MUC22: variants seen among roughly 807,000 people sequenced by gnomAD.
The protein encoded by MUC22 is mucin-22.
Under a neutral mutation model 40.3 loss-of-function variants are expected in MUC22, and 24 were observed. That is an observed-to-expected ratio of 0.60 (90% CI 0.43 to 0.84). The LOEUF (loss-of-function observed/expected upper bound fraction) is 0.84, where lower values mean the gene tolerates loss of function less well. Ranked by LOEUF, MUC22 falls within the 40% of genes least tolerant of loss-of-function variation. The probability of loss-of-function intolerance (pLI) is 0.00; values close to 1 mark genes in which losing one functional copy is unlikely to be tolerated. For synonymous variants in MUC22, 765 were observed against 844.5 expected (o/e 0.91, Z 1.63); for missense variants, 1,926 against 2,130.7 (o/e 0.90, Z 1.89).
At chr6:31,021,860 T>A (rs986867672) in intron 1 of MUC22, among the ~76,000 whole-genome samples, 1 of 152,010 alleles carries the variant, frequency 6.6e-6, no homozygotes, top group Non-Finnish European at 1.5e-5. Flanking sequence ...TTTTCCACAC[T>A]GTGGAAACTT....
At chr6:31,020,995 A>G (rs1458118718) in intron 1 of MUC22, among the ~76,000 whole-genome samples, 1 of 152,112 alleles carries the variant, frequency 6.6e-6, no homozygotes, top group Non-Finnish European at 1.5e-5. Context: ...GCCATGCCTG[A>G]GCCTCCCACC....
chr6:31,022,129 T>G (rs9262533), intron 1 of MUC22, among the ~76,000 whole-genome samples: 1 of 151,668 alleles, frequency 6.6e-6, no homozygotes, highest in Non-Finnish European at 1.5e-5. Context: ...CGAACACATC[T>G]GAACATCAGA....
chr6:31,012,718 A>C (rs1383711997), intron 1 of MUC22, among the ~76,000 whole-genome samples: 1 of 152,148 alleles, frequency 6.6e-6, no homozygotes, highest in East Asian at 1.9e-4. Flanking sequence ...TAAAGTAACC[A>C]ACAGTGTCTC....
exon 1 of MUC22, chr6:31,010,497 C>A: frequency 1.8e-6 from 1 of 553,778 alleles, no homozygotes; most frequent in Non-Finnish European, 3.2e-6. Flanking sequence ...AATAAGAAGC[C>A]AAACTGTGGA....
intron 1 of MUC22, among the ~76,000 whole-genome samples, chr6:31,018,572 G>C (rs1329100854): frequency 6.6e-6 from 1 of 152,220 alleles, no homozygotes; most frequent in Non-Finnish European, 1.5e-5. Context: ...TCCTTGTGGA[G>C]GTATGTGTTT....
At chr6:31,025,374 G>T in intron 1 of MUC22, 128 bp from the exon 2 acceptor site, 1 of 1,111,200 alleles carries the variant, frequency 9.0e-7, no homozygotes, top group Non-Finnish European at 1.2e-6. Context: ...CCAGGTACAT[G>T]TTAAGCCCTC....
intron 2 of MUC22, among the ~76,000 whole-genome samples, chr6:31,030,401 C>T (rs1160523654): frequency 6.6e-6 from 1 of 151,874 alleles, no homozygotes; most frequent in East Asian, 1.9e-4. Flanking sequence ...CCTGTAGTCC[C>T]AGCTACTCGG....
chr6:31,029,014 C>T, exon 2 of MUC22: 1 of 1,176,028 alleles, frequency 8.5e-7, no homozygotes, highest in African/African-American at 1.9e-5. Context: ...AGGCTCTGAG[C>T]TCACTACAGT....
At chr6:31,018,156 C>T (rs1327128002) in intron 1 of MUC22, among the ~76,000 whole-genome samples, 7 of 152,242 alleles carry the variant, frequency 4.6e-5, no homozygotes, top group Non-Finnish European at 1.0e-4. Context: ...TCACTCCTGC[C>T]TTCAGCAGTG....
At chr6:31,021,347 G>C (rs1290166574) in intron 1 of MUC22, among the ~76,000 whole-genome samples, 1 of 151,102 alleles carries the variant, frequency 6.6e-6, no homozygotes, top group African/African-American at 2.4e-5. Context: ...CTAGCTCAGG[G>C]ATTGTAAATA....
chr6:31,028,174 A>G, exon 2 of MUC22: 1 of 1,534,570 alleles, frequency 6.5e-7, no homozygotes, highest in Non-Finnish European at 8.7e-7. Context: ...AGGCTCTGAG[A>G]GGACCATCAC....
At chr6:31,006,026 G>C (rs1763501390), upstream of MUC22, 1 of 251,284 alleles carries the variant, frequency 4.0e-6, no homozygotes, top group Middle Eastern at 1.5e-3. Context: ...AGAATAGCTT[G>C]AACCTGGGAA....
Position 31,020,748 on chromosome 6 carries a change from T to C in MUC22, c.71-4754T>C, listed in dbSNP as rs566551135. Among the ~76,000 whole-genome samples, 25 of 152,310 alleles carry C rather than the reference T, an allele frequency of 1.6e-4. No homozygotes were observed. The East Asian group carries it at 4.8e-3, about 29-fold the overall frequency. On this transcript the variant is annotated intron_variant, in intron 1 of 3. Coordinates refer to ENST00000561890, the Ensembl canonical transcript of MUC22. The stretch of plus-strand genomic sequence containing the variant: ...GAGAGGTGCGAGCGGGAACCGGGAC[T>C]GTGCGCGGCGCTTGCGGGCCAGCTG...
chr6:31,029,442 A>T, exon 2 of MUC22: 1 of 1,534,396 alleles, frequency 6.5e-7, no homozygotes, highest in Non-Finnish European at 8.7e-7. Flanking sequence ...AGACCACCAC[A>T]GTCTCCACCT....
At chr6:31,023,730 G>T (rs937082698) in intron 1 of MUC22, among the ~76,000 whole-genome samples, 1 of 152,082 alleles carries the variant, frequency 6.6e-6, no homozygotes, top group African/African-American at 2.4e-5. Flanking sequence ...ATAAAAATAA[G>T]AGGAAGAAAG....
At chr6:31,006,065 C>A, upstream of MUC22, 1 of 306,320 alleles carries the variant, frequency 3.3e-6, no homozygotes, top group Non-Finnish European at 6.3e-6. Flanking sequence ...CGAGATTGCA[C>A]CACTGCACTC....
At chr6:31,033,811 C>T (rs1241021955) in intron 3 of MUC22, among the ~76,000 whole-genome samples, 1 of 152,154 alleles carries the variant, frequency 6.6e-6, no homozygotes, top group Non-Finnish European at 1.5e-5. Flanking sequence ...GACAGCATAC[C>T]ACTGGTAAAA....
upstream of MUC22, among the ~76,000 whole-genome samples, chr6:31,009,580 G>A (rs1763732596): frequency 6.6e-6 from 1 of 152,108 alleles, no homozygotes; most frequent in Non-Finnish European, 1.5e-5. Flanking sequence ...TTCCAAAAGA[G>A]ACACTTTTAA....
rs373070204 is a variant in MUC22 at position 31,021,153 on chromosome 6, C to T, written c.71-4349C>T. On this transcript the variant is annotated intron_variant, in intron 1 of 3. Transcript: ENST00000561890. ...GGCAGCTCCACCTGCGGCCCCGGGGCGGGATCCACTGGGTGAAGCCAGCTG... is the reference window on the plus strand; with the variant it reads ...GGCAGCTCCACCTGCGGCCCCGGGGTGGGATCCACTGGGTGAAGCCAGCTG... 4.3e-3 allele frequency among the ~76,000 whole-genome samples: 660 copies of T among 152,370 alleles called. 18 individuals are homozygous for T. The South Asian group carries it at 0.066, about 15-fold the overall frequency.
Sources: gnomAD v4.1 joint callset for allele counts (sites outside exome capture counted in the v4.1 genomes callset) on GRCh38, gnomAD v4.1.1 for gene constraint, MANE v1.5 for transcripts, NCBI Gene and HGNC (gene_info 2026-07-23, HGNC 2026-07-21) for gene names.